FMN1: variants seen among roughly 807,000 people sequenced by gnomAD.
FMN1 encodes the protein formin 1, also known as formin-1.
FMN1 carries 110 observed loss-of-function variants against 132.4 expected under a neutral mutation model. That is an observed-to-expected ratio of 0.83 (90% confidence interval 0.71 to 0.97). FMN1 has a LOEUF of 0.97. Ranked by LOEUF, FMN1 falls within the 50% of genes least tolerant of loss-of-function variation. The pLI, the probability that FMN1 is intolerant of heterozygous loss-of-function variation, is 0.00. For synonymous variants in FMN1, 722 were observed against 651.7 expected (o/e 1.11, Z -1.64); for missense variants, 1,792 against 1,705.3 (o/e 1.05, Z -0.90).
At chr15:33,036,606 C>T (rs1240171040) in intron 6 of FMN1, among the ~76,000 whole-genome samples, 3 of 152,154 alleles carry the variant, frequency 2.0e-5, no homozygotes, top group African/African-American at 7.2e-5. Context: ...GTATTGACTC[C>T]TCTCTTTACT....
chr15:32,801,021 T>C (rs898976260), intron 18 of FMN1, among the ~76,000 whole-genome samples: 1 of 152,226 alleles, frequency 6.6e-6, no homozygotes, highest in Non-Finnish European at 1.5e-5. Context: ...ATCTTCTGAT[T>C]TTCCAGCAAA....
intron 15 of FMN1, among the ~76,000 whole-genome samples, chr15:32,894,282 C>A (rs756202918): frequency 4.0e-5 from 6 of 151,892 alleles, no homozygotes; most frequent in Non-Finnish European, 8.8e-5. Context: ...GTCAGGAGTT[C>A]GAGACCAGCC....
Position 32,908,719 on chromosome 15 carries a change from A to C in FMN1, c.3289-141T>G, listed in dbSNP as rs953448264. 1.8e-5 allele frequency: 11 copies of C among 612,758 alleles called. No homozygotes were observed. The South Asian group carries it at 2.3e-4, about 13-fold the overall frequency. 38.0% of individuals were successfully genotyped at this position (612,758 alleles called of 1,614,324 possible). A position where few individuals can be genotyped will look rare whatever the true frequency, so the allele number is the denominator to read the frequency against. ...AACAACATCACCTGTCACTTGTCAG[A>C]AATGCAAATTATTGGCCCACCCTAG... On this transcript the variant is annotated intron_variant, in intron 11 of 20. Coordinates refer to ENST00000616417, the MANE Select transcript of FMN1 (RefSeq NM_001277313.2).
chr15:32,999,906 A>T (rs1208852433), intron 7 of FMN1, among the ~76,000 whole-genome samples: 1 of 152,190 alleles, frequency 6.6e-6, no homozygotes, highest in Non-Finnish European at 1.5e-5. Context: ...GATCCAAAGA[A>T]GTCCTACTAA....
intron 4 of FMN1, among the ~76,000 whole-genome samples, chr15:33,109,650 G>C (rs963693284): frequency 3.3e-5 from 5 of 152,036 alleles, no homozygotes; most frequent in African/African-American, 1.2e-4. Flanking sequence ...AAGAACTTAT[G>C]AACACAAAGA....
At chr15:33,018,475 T>C (rs371395161) in intron 6 of FMN1, among the ~76,000 whole-genome samples, 39 of 152,236 alleles carry the variant, frequency 2.6e-4, no homozygotes, top group African/African-American at 7.9e-4. Flanking sequence ...GCGTACATAA[T>C]AGAGCTTCCG....
intron 7 of FMN1, among the ~76,000 whole-genome samples, chr15:33,005,894 C>T (rs1213340303): frequency 2.0e-5 from 3 of 152,134 alleles, no homozygotes; most frequent in African/African-American, 7.2e-5. Context: ...GAGATAAGGG[C>T]CTCCCTCCTC....
intron 9 of FMN1, among the ~76,000 whole-genome samples, chr15:32,956,810 A>C (rs1182652135): frequency 6.6e-6 from 1 of 152,180 alleles, no homozygotes; most frequent in Non-Finnish European, 1.5e-5. Flanking sequence ...AAATAATATA[A>C]ACTTGGAAAG....
At chr15:33,067,138 C>A (rs2037773823) in intron 5 of FMN1, 2 of 1,613,896 alleles carry the variant, frequency 1.2e-6, no homozygotes, top group Non-Finnish European at 1.7e-6. Context: ...CACTCGAATT[C>A]TGGTTTGTTA....
intron 17 of FMN1, among the ~76,000 whole-genome samples, chr15:32,841,569 G>A (rs753533024): frequency 5.9e-5 from 9 of 152,162 alleles, no homozygotes; most frequent in Non-Finnish European, 8.8e-5. Flanking sequence ...TGCAGCAAAT[G>A]GGACTTTATA....
intron 6 of FMN1, among the ~76,000 whole-genome samples, chr15:33,054,064 T>C (rs764004415): frequency 6.6e-6 from 1 of 152,176 alleles, no homozygotes; most frequent in Non-Finnish European, 1.5e-5. Flanking sequence ...AACGAAGATG[T>C]GAACCTTCCG....
intron 2 of FMN1, among the ~76,000 whole-genome samples, chr15:33,192,649 G>A (rs1467131860): frequency 6.6e-6 from 1 of 152,148 alleles, no homozygotes; most frequent in Admixed American, 6.5e-5. Flanking sequence ...CCTCTAAGAT[G>A]TAGTGCTATA....
At chr15:32,997,609 GCTTC>G (rs1203606545) in intron 7 of FMN1, among the ~76,000 whole-genome samples, 1 of 152,132 alleles carries the variant, frequency 6.6e-6, no homozygotes, top group African/African-American at 2.4e-5. Flanking sequence ...CAGAGCTGGT[GCTTC>G]CTTCTCAGTA....
chr15:32,856,713 G>A lies in FMN1; in HGVS notation c.3928+302C>T, dbSNP rs531450437. 5.9e-5 allele frequency among the ~76,000 whole-genome samples: 9 copies of A among 152,246 alleles called. No homozygotes were observed. In the South Asian group the frequency reaches 6.2e-4, roughly 11 times the overall value. On this transcript the variant is annotated intron_variant, in intron 17 of 20. Transcript: ENST00000616417. The stretch of plus-strand genomic sequence containing the variant: ...ATGTATGTCATTTGTCAGTAAACAC[G>A]GGCTAAGGAATTCCTTGAGCCCCAT...
chr15:33,128,525 C>T (rs1357953314), intron 4 of FMN1, among the ~76,000 whole-genome samples: 2 of 152,218 alleles, frequency 1.3e-5, no homozygotes, highest in Admixed American at 6.5e-5. Flanking sequence ...AATGAAACAG[C>T]GTGATATGTT....
At chr15:33,066,958 T>C in intron 5 of FMN1, 1 of 1,613,974 alleles carries the variant, frequency 6.2e-7, no homozygotes, top group Non-Finnish European at 8.5e-7. Flanking sequence ...GCTGCGTCAA[T>C]TTGAGCAAAG....
chr15:33,188,861 A>T (rs543262826), intron 2 of FMN1, among the ~76,000 whole-genome samples: 1 of 152,306 alleles, frequency 6.6e-6, no homozygotes, highest in South Asian at 2.1e-4. Flanking sequence ...ACCGTGTGTG[A>T]CCTTGGGCAA....
intron 17 of FMN1, among the ~76,000 whole-genome samples, chr15:32,849,036 T>G (rs950077478): frequency 7.3e-6 from 1 of 136,558 alleles, no homozygotes; most frequent in African/African-American, 2.7e-5. Context: ...CATGCTGGAG[T>G]GCAGTGGCGC....
chr15:33,008,059 A>T lies in FMN1; in HGVS notation c.2178T>A (p.Ile726=). Residue 726 remains isoleucine, a synonymous_variant, in exon 7 of 21, where the codon ATT becomes ATA. Coordinates refer to ENST00000616417, the MANE Select transcript of FMN1 (RefSeq NM_001277313.2). ...CTTTGTGCTCCCTCTTCAAGTGTAAAATAGCAGCTTGGTATTCTGTAAAAT... is the reference window on the plus strand; with the variant it reads ...CTTTGTGCTCCCTCTTCAAGTGTAATATAGCAGCTTGGTATTCTGTAAAAT... ...KYTEAEYQAA[I]LHLKREHKEE... 1 of 1,598,420 alleles carries T rather than the reference A, an allele frequency of 6.3e-7. No homozygotes were observed. The highest frequency in any genetic ancestry group is 8.5e-7 in the Non-Finnish European group (1 of 1,171,414).
Sources: allele counts gnomAD v4.1 joint callset (sites outside exome capture counted in the v4.1 genomes callset), GRCh38; gene constraint gnomAD v4.1.1; transcripts MANE v1.5; gene names NCBI Gene and HGNC (gene_info 2026-07-23, HGNC 2026-07-21).